The following SYNPR variants were observed in gnomAD, a reference collection of about 807,000 sequenced individuals.
SYNPR encodes the protein synaptoporin.
A neutral mutation model predicts 32.9 loss-of-function variants in SYNPR; 23 were observed. The observed-to-expected ratio is 0.70, with a 90% CI of 0.50 to 0.99. The LOEUF (loss-of-function observed/expected upper bound fraction) is 0.99. Among genes scored for constraint, SYNPR ranks in the 50% least tolerant of loss-of-function variants. The pLI, the probability that SYNPR is intolerant of heterozygous loss-of-function variation, is 0.00. For missense variants in SYNPR, 318 were observed against 349.3 expected (o/e 0.91, Z 0.71); for synonymous variants, 146 against 135.9 (o/e 1.07, Z -0.52).
intron 2 of SYNPR, among the ~76,000 whole-genome samples, chr3:63,297,450 T>C (rs1171897638): frequency 6.6e-6 from 1 of 152,202 alleles, no homozygotes; most frequent in Non-Finnish European, 1.5e-5. Flanking sequence ...AAATGACATT[T>C]GTCAAAATTG....
intron 3 of SYNPR, among the ~76,000 whole-genome samples, chr3:63,530,911 C>T (rs1220103923): frequency 2.0e-5 from 3 of 152,168 alleles, no homozygotes; most frequent in Non-Finnish European, 4.4e-5. Flanking sequence ...CTCATTGTCA[C>T]TCACCCAGGC....
At chr3:63,294,409 T>C (rs1204417746) in intron 2 of SYNPR, among the ~76,000 whole-genome samples, 1 of 152,218 alleles carries the variant, frequency 6.6e-6, no homozygotes, top group Non-Finnish European at 1.5e-5. Context: ...TGCAATGAGA[T>C]TGTACATTTT....
intron 2 of SYNPR, among the ~76,000 whole-genome samples, chr3:63,435,220 C>A (rs1254039171): frequency 6.6e-6 from 1 of 152,156 alleles, no homozygotes; most frequent in Non-Finnish European, 1.5e-5. Context: ...TATTTACTAT[C>A]CAGGCAGACT....
chr3:63,401,352 G>T (rs557342951), intron 2 of SYNPR, among the ~76,000 whole-genome samples: 2 of 152,096 alleles, frequency 1.3e-5, no homozygotes, highest in African/African-American at 2.4e-5. Context: ...AAGAGCATGC[G>T]ATTGCTATGG....
At chr3:63,328,623 G>T (rs2087191313) in intron 2 of SYNPR, among the ~76,000 whole-genome samples, 1 of 152,126 alleles carries the variant, frequency 6.6e-6, no homozygotes, top group African/African-American at 2.4e-5. Flanking sequence ...CAGTGCTCTG[G>T]GGCTTAGCAG....
chr3:63,291,946 G>T (rs559800395), intron 2 of SYNPR, among the ~76,000 whole-genome samples: 1 of 152,234 alleles, frequency 6.6e-6, no homozygotes, highest in African/African-American at 2.4e-5. Context: ...ACACCATAGA[G>T]TGTACTTACA....
intron 2 of SYNPR, chr3:63,423,447 C>G (rs1699834443): frequency 6.6e-6 from 1 of 152,310 alleles, no homozygotes. Flanking sequence ...CACTTGGGGC[C>G]TGGGGCAAGT....
chr3:63,343,539 T>C (rs2087397599), intron 2 of SYNPR, among the ~76,000 whole-genome samples: 1 of 152,180 alleles, frequency 6.6e-6, no homozygotes, highest in Non-Finnish European at 1.5e-5. Context: ...GAACTCCTGG[T>C]AAGGACTGGG....
At position 63,480,919 on chromosome 3, in the gene SYNPR, A is replaced by C; in HGVS notation, c.172A>C (p.Asn58His). The change falls in exon 3 of 6, where the codon AAC becomes CAC. Residue 58 changes from asparagine to histidine, a missense_variant. Transcript: ENST00000478300. ...SVDCVNKTES[N>H]LSIDIAFAYP... ...GGACTGCGTCAACAAGACAGAAAGT[A>C]ACCTCAGCATCGACATAGCGTTTGC... 6.2e-7 allele frequency: 1 copy of C among 1,613,470 alleles called. No individual in the cohort carries two copies. The highest frequency in any genetic ancestry group is 8.5e-7 in the Non-Finnish European group (1 of 1,179,508).
intron 4 of SYNPR, among the ~76,000 whole-genome samples, chr3:63,585,146 A>T (rs547219592): frequency 3.9e-4 from 60 of 152,278 alleles, no homozygotes; most frequent in African/African-American, 1.4e-3. Flanking sequence ...CACTGCAAAA[A>T]AACTGTGAAT....
intron 4 of SYNPR, among the ~76,000 whole-genome samples, chr3:63,603,744 G>T (rs532572934): frequency 1.2e-3 from 179 of 152,276 alleles, no homozygotes; most frequent in African/African-American, 4.2e-3. Flanking sequence ...GATTCAGTTT[G>T]CTAGTATTTT....
intron 2 of SYNPR, among the ~76,000 whole-genome samples, chr3:63,385,582 TCC>T (rs2088028862): frequency 6.6e-6 from 1 of 152,192 alleles, no homozygotes; most frequent in Non-Finnish European, 1.5e-5. Context: ...TTGCAACTCT[TCC>T]CTTTGGACTA....
At chr3:63,338,550 C>T (rs1428818807) in intron 2 of SYNPR, among the ~76,000 whole-genome samples, 2 of 152,188 alleles carry the variant, frequency 1.3e-5, no homozygotes, top group South Asian at 2.1e-4. Context: ...CAAGTGGATC[C>T]TTGCCAACAG....
intron 2 of SYNPR, among the ~76,000 whole-genome samples, chr3:63,400,703 CTCCACCACTCAA>C (rs1341259999): frequency 9.8e-5 from 15 of 152,318 alleles, no homozygotes; most frequent in South Asian, 4.1e-4. Context: ...GGGAATTAGG[CTCCACCACTCAA>C]AGACAGGAGT....
At chr3:63,539,563 T>C (rs1194022222) in intron 3 of SYNPR, among the ~76,000 whole-genome samples, 1 of 152,126 alleles carries the variant, frequency 6.6e-6, no homozygotes, top group Non-Finnish European at 1.5e-5. Context: ...AAGGGTATGG[T>C]CCTTGCCCAC....
chr3:63,539,815 T>C (rs1242449101), intron 3 of SYNPR, among the ~76,000 whole-genome samples: 1 of 152,088 alleles, frequency 6.6e-6, no homozygotes, highest in Non-Finnish European at 1.5e-5. Context: ...CCTGCTGGGA[T>C]CCTCTGAGAA....
chr3:63,401,041 G>GTGTT (rs967678604), intron 2 of SYNPR, among the ~76,000 whole-genome samples: 1 of 140,910 alleles, frequency 7.1e-6, no homozygotes, highest in African/African-American at 2.9e-5. Context: ...CACAAAAAAG[G>GTGTT]TTTTTTTTTT....
intron 2 of SYNPR, chr3:63,289,233 A>G (rs1184859763): frequency 2.6e-5 from 4 of 152,244 alleles, no homozygotes; most frequent in Admixed American, 2.6e-4. Flanking sequence ...GCATTGTTAC[A>G]TTGTTTTTTG....
At chr3:63,552,509 G>A (rs1559534388) in intron 3 of SYNPR, among the ~76,000 whole-genome samples, 1 of 152,136 alleles carries the variant, frequency 6.6e-6, no homozygotes, top group Admixed American at 6.5e-5. Flanking sequence ...TTGTGGGAAA[G>A]TGCAATATAT....
Sources: gnomAD v4.1 joint callset for allele counts (sites outside exome capture counted in the v4.1 genomes callset) on GRCh38, gnomAD v4.1.1 for gene constraint, MANE v1.5 for transcripts, NCBI Gene and HGNC (gene_info 2026-07-23, HGNC 2026-07-21) for gene names.